Variants in DERL1 observed in about 807,000 individuals in gnomAD.
The protein encoded by DERL1 is derlin-1.
In DERL1, 24 loss-of-function variants were observed where a neutral mutation model predicts 41.6. The observed-to-expected ratio is 0.58, with a 90% CI of 0.42 to 0.81. DERL1 has a LOEUF of 0.81. Ranked by LOEUF, DERL1 falls within the 30% of genes least tolerant of loss-of-function variation. The pLI, the probability that DERL1 is intolerant of heterozygous loss-of-function variation, is 0.00. For synonymous variants in DERL1, 124 were observed against 112.5 expected (o/e 1.10, Z -0.65); for missense variants, 260 against 314.3 (o/e 0.83, Z 1.31).
Position 123,022,683 on chromosome 8 carries a change from C to A in DERL1, c.453+1G>T. On this transcript the variant is annotated splice_donor_variant, in intron 5 of 7. Coordinates refer to ENST00000259512, the MANE Select transcript of DERL1 (RefSeq NM_024295.6). LOFTEE classifies it high-confidence loss of function. ...ACACTTTTCCAACCAAGGCAAAGTA[C>A]CTTAAATCGTGTTCCAAACCAAAAT... is the stretch of plus-strand genomic sequence containing the variant. 6.2e-7 allele frequency: 1 copy of A among 1,613,960 alleles called. No individual in the cohort carries two copies. Among genetic ancestry groups the A allele is most frequent in the Non-Finnish European group, 8.5e-7 (1 of 1,179,852 alleles).
intron 4 of DERL1, 35 bp downstream of exon 4, chr8:123,023,677 TA>T (rs1170305646): frequency 1.9e-6 from 3 of 1,598,828 alleles, no homozygotes; most frequent in Admixed American, 1.7e-5. Context: ...TTGAAACAAA[TA>T]AAAGGGCAAA....
At chr8:123,027,556 A>C (rs952147108) in intron 2 of DERL1, among the ~76,000 whole-genome samples, 1 of 152,346 alleles carries the variant, frequency 6.6e-6, no homozygotes, top group South Asian at 2.1e-4. Flanking sequence ...TCTCAGCTCA[A>C]GCCTTTCAAA....
At chr8:123,028,577 A>G (rs1426567745) in intron 2 of DERL1, among the ~76,000 whole-genome samples, 1 of 152,138 alleles carries the variant, frequency 6.6e-6, no homozygotes, top group East Asian at 1.9e-4. Context: ...TGAATTGTAC[A>G]CCTTAAAATG....
chr8:123,023,797 T>A (rs1188094683), intron 3 of DERL1, 58 bp from the exon 4 acceptor site: 31 of 1,570,512 alleles, frequency 2.0e-5, no homozygotes, highest in Non-Finnish European at 2.7e-5. Context: ...TAGTCAAGAC[T>A]GATGTGGTTA....
In DERL1 at chr8:123,013,842, A is replaced by T. The variant is rs1814482219; in HGVS notation, c.*1605T>A. On this transcript the variant is annotated 3_prime_UTR_variant, in exon 8 of 8. Transcript: ENST00000259512. ...CCACAGATGAACAACAAAACATGAC[A>T]GTTAAGGTTCAGACTCTCCCCACCT... is the stretch of plus-strand genomic sequence containing the variant. 6.6e-6 allele frequency: 1 copy of T among 152,216 alleles called. No homozygotes were observed. Among genetic ancestry groups the T allele is most frequent in the African/African-American group, 2.4e-5 (1 of 41,452 alleles). The allele number at this position is 152,216 out of a possible 1,614,324, so 9.4% of individuals were successfully genotyped here. A position where few individuals can be genotyped will look rare whatever the true frequency, so the allele number is the denominator to read the frequency against.
intron 2 of DERL1, chr8:123,030,250 C>A: frequency 5.7e-6 from 1 of 175,326 alleles, no homozygotes; most frequent in Non-Finnish European, 1.2e-5. Context: ...TACTCCAGCC[C>A]AATTCTGCAC....
At chr8:123,020,049 A>G (rs775720490) in intron 6 of DERL1, among the ~76,000 whole-genome samples, 2 of 152,266 alleles carry the variant, frequency 1.3e-5, no homozygotes, top group South Asian at 2.1e-4. Context: ...TGCTCTAAAC[A>G]GTCTGCTCCA....
chr8:123,036,448 C>A (rs1563635564), intron 1 of DERL1, among the ~76,000 whole-genome samples: 1 of 152,178 alleles, frequency 6.6e-6, no homozygotes, highest in Non-Finnish European at 1.5e-5. Flanking sequence ...AGCATAGTCA[C>A]CCTTAGAGAG....
chr8:123,039,906 G>T (rs963677902), intron 1 of DERL1, among the ~76,000 whole-genome samples: 4 of 152,168 alleles, frequency 2.6e-5, no homozygotes, highest in African/African-American at 9.7e-5. Context: ...ATACCAAAGG[G>T]TAATATGTAG....
At chr8:123,041,778 C>T (rs930408073) in intron 1 of DERL1, among the ~76,000 whole-genome samples, 192 bp downstream of exon 1, 6 of 152,244 alleles carry the variant, frequency 3.9e-5, no homozygotes, top group African/African-American at 1.4e-4. Context: ...GCCCACAACT[C>T]CAGCTATCCA....
At chr8:123,032,145 T>TCCC (rs1471111867) in intron 1 of DERL1, among the ~76,000 whole-genome samples, 4 of 141,598 alleles carry the variant, frequency 2.8e-5, no homozygotes, top group Admixed American at 7.1e-5. Flanking sequence ...ATTTTTTTTT[T>TCCC]CCCCCCCGAG....
At chr8:123,040,224 AAAG>A (rs1445700572) in intron 1 of DERL1, among the ~76,000 whole-genome samples, 1 of 152,110 alleles carries the variant, frequency 6.6e-6, no homozygotes, top group Non-Finnish European at 1.5e-5. Flanking sequence ...TCTCCAAAAA[AAAG>A]AAAGAAAGAA....
intron 7 of DERL1, chr8:123,018,458 C>G (rs923252666): frequency 1.3e-5 from 2 of 152,176 alleles, no homozygotes; most frequent in African/African-American, 4.8e-5. Flanking sequence ...TGCTTCCCAA[C>G]AGTGTATCTT....
At chr8:123,026,939 GCAA>G (rs1158629927) in intron 2 of DERL1, among the ~76,000 whole-genome samples, 8 of 152,064 alleles carry the variant, frequency 5.3e-5, no homozygotes, top group African/African-American at 1.9e-4. Flanking sequence ...GTCACAAAAG[GCAA>G]CAAGATACTG....
intron 6 of DERL1, 116 bp from the exon 7 acceptor site, chr8:123,019,421 T>C: frequency 2.9e-6 from 2 of 689,694 alleles, no homozygotes; most frequent in Non-Finnish European, 5.0e-6. Flanking sequence ...CCTGGGAGTC[T>C]GTGAGAGCTG....
intron 1 of DERL1, among the ~76,000 whole-genome samples, chr8:123,034,686 T>C (rs1426751818): frequency 6.6e-6 from 1 of 152,200 alleles, no homozygotes; most frequent in African/African-American, 2.4e-5. Context: ...TGAGGTACAA[T>C]TACAATTAGT....
rs1434370153 is a variant in DERL1 at position 123,030,588 on chromosome 8, A to C, written c.265+17T>G. On this transcript the variant is annotated intron_variant, in intron 2 of 7. Transcript: ENST00000259512. ...ATGAGAAAGAAACAATGCTTAAAAC[A>C]ACTATGGGTAACATACCTGTTTCAA... 6.6e-7 allele frequency: 1 copy of C among 1,518,632 alleles called. No homozygotes were observed. The highest frequency in any genetic ancestry group is 9.0e-7 in the Non-Finnish European group (1 of 1,109,100). The allele number at this position is 1,518,632 out of a possible 1,614,324, so 94.1% of individuals were successfully genotyped here.
intron 1 of DERL1, 77 bp from the exon 2 acceptor site, chr8:123,030,793 T>A: frequency 1.0e-6 from 1 of 983,684 alleles, no homozygotes; most frequent in Non-Finnish European, 1.6e-6. Flanking sequence ...TAAACAAAAT[T>A]AACAAAGCAT....
intron 7 of DERL1, 94 bp downstream of exon 7, chr8:123,019,101 T>G (rs974016228): frequency 1.1e-5 from 9 of 840,826 alleles, no homozygotes; most frequent in Non-Finnish European, 1.8e-5. Flanking sequence ...AGATGGGGCA[T>G]AGGGGTAAAT....
Sources: gnomAD v4.1 joint callset for allele counts (sites outside exome capture counted in the v4.1 genomes callset) on GRCh38, gnomAD v4.1.1 for gene constraint, MANE v1.5 for transcripts, NCBI Gene and HGNC (gene_info 2026-07-23, HGNC 2026-07-21) for gene names.